Variants in POLQ observed in about 807,000 individuals in gnomAD.
POLQ encodes epididymis secretory sperm binding protein.
In POLQ, 233 loss-of-function variants were observed where a neutral mutation model predicts 259.2. The ratio of observed to expected loss-of-function variants is 0.90; its 90% CI spans 0.81 to 1.00. POLQ has a LOEUF of 1.00. Among genes scored for constraint, POLQ ranks in the 50% least tolerant of loss-of-function variants. The pLI is 0.00. For synonymous variants in POLQ, 1,025 were observed against 1,048.8 expected, an observed-to-expected ratio of 0.98 and a Z score of 0.44; for missense variants, 2,871 against 3,051.6, an observed-to-expected ratio of 0.94 and a Z score of 1.39.
At chr3:121,518,660 A>G (rs2108811796) in intron 9 of POLQ, among the ~76,000 whole-genome samples, 1 of 152,284 alleles carries the variant, frequency 6.6e-6, no homozygotes, top group African/African-American at 2.4e-5. Flanking sequence ...TGTACTACCC[A>G]GCTTCCTCTG....
intron 7 of POLQ, among the ~76,000 whole-genome samples, chr3:121,527,849 A>T: frequency 6.6e-6 from 1 of 152,304 alleles, no homozygotes; most frequent in African/African-American, 2.4e-5. Context: ...AAGAAACATG[A>T]TAAATTACTT....
At chr3:121,482,810 A>T (rs569668041) in intron 18 of POLQ, among the ~76,000 whole-genome samples, 6 of 152,232 alleles carry the variant, frequency 3.9e-5, no homozygotes, top group Non-Finnish European at 5.9e-5. Flanking sequence ...GTAGGTTAAG[A>T]ATAAAGTTTT....
intron 29 of POLQ, 27 bp from the exon 30 acceptor site, chr3:121,432,444 A>C (rs11711344): frequency 6.3e-7 from 1 of 1,596,052 alleles, no homozygotes; most frequent in African/African-American, 1.4e-5. Flanking sequence ...TGTAGTTAAC[A>C]AACTGCCCAG....
At position 121,473,466 on chromosome 3, in the gene POLQ, A is replaced by C; in HGVS notation, c.6427T>G (p.Leu2143Val). ...TTTTTCATCTCTCTATTTGGGGGCA[A>C]CTTCAATTCCAAAAATAAAACCTGC... The part of the protein sequence containing the change: ...IAEVLFLELK[L>V]PPNREMKNQG... The change falls in exon 21 of 30, where the codon TTG becomes GTG. Residue 2143 changes from leucine (L) to valine (V), a missense_variant. Coordinates refer to ENST00000264233, the MANE Select transcript of POLQ (RefSeq NM_199420.4). The C allele has an allele frequency of 6.2e-7, 1 of 1,612,826 alleles. No individual in the cohort carries two copies. The highest frequency in any genetic ancestry group is 8.5e-7 in the Non-Finnish European group (1 of 1,179,432).
At chr3:121,482,129 G>A (rs2047976281) in intron 18 of POLQ, among the ~76,000 whole-genome samples, 1 of 152,156 alleles carries the variant, frequency 6.6e-6, no homozygotes, top group Non-Finnish European at 1.5e-5. Flanking sequence ...GTCTGAAAAT[G>A]AAGATGGACT....
rs531055341 is a variant in POLQ at position 121,432,463 on chromosome 3, T to C, written c.7660-46A>G. 7 of 1,583,120 alleles carry C rather than the reference T, an allele frequency of 4.4e-6. No individual in the cohort carries two copies. The South Asian group carries it at 5.8e-5, about 13-fold the overall frequency. ...GTTAACAAACTGCCCAGTCAAAGAATGTTTCCCAAACCATCCCCTGAGAAA... is the reference window on the plus strand; with the variant it reads ...GTTAACAAACTGCCCAGTCAAAGAACGTTTCCCAAACCATCCCCTGAGAAA... On this transcript the variant is annotated intron_variant, in intron 29 of 29. Transcript: ENST00000264233.
At chr3:121,540,588 A>C (rs2048482911) in intron 3 of POLQ, among the ~76,000 whole-genome samples, 1 of 152,190 alleles carries the variant, frequency 6.6e-6, no homozygotes, top group Non-Finnish European at 1.5e-5. Flanking sequence ...ACATACCTGG[A>C]GCTTTACCTA....
At chr3:121,496,599 A>C (rs1409271078) in intron 14 of POLQ, among the ~76,000 whole-genome samples, 1 of 152,226 alleles carries the variant, frequency 6.6e-6, no homozygotes, top group African/African-American at 2.4e-5. Flanking sequence ...ATAGAGGCCA[A>C]GACATTCAGC....
At chr3:121,528,938 C>T (rs958664327) in intron 7 of POLQ, among the ~76,000 whole-genome samples, 3 of 151,922 alleles carry the variant, frequency 2.0e-5, no homozygotes, top group Non-Finnish European at 2.9e-5. Flanking sequence ...AGCGACCGTG[C>T]GAGACTCTGT....
intron 6 of POLQ, among the ~76,000 whole-genome samples, chr3:121,531,573 G>A (rs1239614908): frequency 6.6e-6 from 1 of 152,188 alleles, no homozygotes; most frequent in East Asian, 1.9e-4. Context: ...GCCACTGCAA[G>A]TTTCTGAGAA....
Position 121,510,201 on chromosome 3 carries a change from T to A in POLQ, c.1654A>T (p.Thr552Ser). 1 of 1,613,620 alleles carries A rather than the reference T, an allele frequency of 6.2e-7. No homozygotes were observed. Among genetic ancestry groups the A allele is most frequent in the East Asian group, 2.2e-5 (1 of 44,876 alleles). ...GVASTSQDMH[T>S]YAACTFLAAS... Reference sequence around the variant, plus strand: ...GCCAAAAATGTGCAGGCAGCATAAGTATGCATATCTTGTGATGTACTTGCC... The same window carrying A: ...GCCAAAAATGTGCAGGCAGCATAAGAATGCATATCTTGTGATGTACTTGCC... The change falls in exon 11 of 30, where the codon ACT (threonine) becomes TCT (serine). Residue 552 changes from threonine (T) to serine (S), a missense_variant. This residue lies in a region of POLQ where 783 missense variants were observed against 906.2 expected (regional missense o/e 0.86). Coordinates refer to ENST00000264233, the MANE Select transcript of POLQ (RefSeq NM_199420.4).
At chr3:121,480,269 C>A (rs2047960166) in intron 19 of POLQ, among the ~76,000 whole-genome samples, 1 of 151,934 alleles carries the variant, frequency 6.6e-6, no homozygotes, top group African/African-American at 2.4e-5. Context: ...GTTAAAATAT[C>A]TTTCTATGTC....
chr3:121,545,024 T>C (rs1317525015), intron 1 of POLQ, 118 bp from the exon 2 acceptor site: 4 of 605,526 alleles, frequency 6.6e-6, no homozygotes, highest in South Asian at 5.1e-5. Flanking sequence ...TTAAAGCACA[T>C]CCTGACTTCA....
intron 17 of POLQ, among the ~76,000 whole-genome samples, chr3:121,484,283 T>C (rs1192157740): frequency 6.6e-6 from 1 of 152,222 alleles, no homozygotes; most frequent in African/African-American, 2.4e-5. Flanking sequence ...TATTTCCAGA[T>C]TACATCCTTT....
intron 13 of POLQ, 73 bp from the exon 14 acceptor site, chr3:121,497,005 G>T: frequency 6.6e-7 from 1 of 1,505,154 alleles, no homozygotes; most frequent in South Asian, 1.2e-5. Flanking sequence ...GTTGAAAAAT[G>T]ACTAAGAACT....
At chr3:121,441,924 T>A (rs2047595631) in intron 26 of POLQ, among the ~76,000 whole-genome samples, 1 of 152,228 alleles carries the variant, frequency 6.6e-6, no homozygotes, top group African/African-American at 2.4e-5. Flanking sequence ...GTTTTTGGCA[T>A]CTCAGTTTGC....
At chr3:121,534,756 T>C (rs536100627) in intron 5 of POLQ, among the ~76,000 whole-genome samples, 16 of 152,364 alleles carry the variant, frequency 1.1e-4, no homozygotes, top group Admixed American at 7.8e-4. Flanking sequence ...TGTTAAGAGA[T>C]ATTTTTATTA....
At chr3:121,467,442 C>T in intron 24 of POLQ, 77 bp downstream of exon 24, 1 of 1,424,372 alleles carries the variant, frequency 7.0e-7, no homozygotes, top group Non-Finnish European at 9.8e-7. Context: ...AAGTCTCACT[C>T]ATATTTCAGG....
rs747721374 is a variant in POLQ at position 121,487,767 on chromosome 3, G to GT, written c.5163dup (p.Pro1722ThrfsTer3). 2.7e-5 allele frequency: 43 copies of GT among 1,612,036 alleles called. No homozygotes were observed. The highest frequency in any genetic ancestry group is 3.6e-5 in the Non-Finnish European group (42 of 1,178,832). On this transcript the variant is annotated frameshift_variant, in exon 16 of 30. Transcript: ENST00000264233. LOFTEE classifies it high-confidence loss of function. Reference sequence around the variant, plus strand: ...TCAACTATATTACTTTCTTTACGAGGTAAGAGGGATGAGGTTTCATCATGA... The same window carrying GT: ...TCAACTATATTACTTTCTTTACGAGGTTAAGAGGGATGAGGTTTCATCATGA...
Sources: allele counts gnomAD v4.1 joint callset (sites outside exome capture counted in the v4.1 genomes callset), GRCh38; gene constraint gnomAD v4.1.1; regional missense constraint gnomAD v4.1.1; transcripts MANE v1.5; gene names NCBI Gene and HGNC (gene_info 2026-07-23, HGNC 2026-07-21).